Variants in CAMK1D observed in about 807,000 individuals in gnomAD.
CAMK1D encodes the protein calcium/calmodulin dependent protein kinase ID.
In CAMK1D, 9 loss-of-function variants were observed where a neutral mutation model predicts 47.7. The ratio of observed to expected loss-of-function variants is 0.19; its 90% CI spans 0.11 to 0.33. CAMK1D has a LOEUF of 0.33. Among genes scored for constraint, CAMK1D ranks in the 10% least tolerant of loss-of-function variants. The probability of loss-of-function intolerance (pLI) is 1.00; values close to 1 mark genes in which losing one functional copy is unlikely to be tolerated. For missense variants in CAMK1D, 291 were observed against 488.7 expected (o/e 0.60, Z 3.81); for synonymous variants, 184 against 184.9 (o/e 0.99, Z 0.04).
At chr10:12,586,858 C>G (rs1026772072) in intron 2 of CAMK1D, among the ~76,000 whole-genome samples, 1 of 152,154 alleles carries the variant, frequency 6.6e-6, no homozygotes, top group Non-Finnish European at 1.5e-5. Flanking sequence ...TGTTCCCATA[C>G]TTATTTTTTT....
chr10:12,497,417 C>G (rs1235447561), intron 1 of CAMK1D, among the ~76,000 whole-genome samples: 1 of 143,304 alleles, frequency 7.0e-6, no homozygotes, highest in Non-Finnish European at 1.5e-5. Flanking sequence ...GAGGAAGTTG[C>G]AGTGAACCGA....
intron 4 of CAMK1D, among the ~76,000 whole-genome samples, chr10:12,766,250 G>C (rs1010442367): frequency 2.6e-5 from 4 of 151,906 alleles, no homozygotes; most frequent in Admixed American, 2.6e-4. Context: ...GGGATTACAG[G>C]TGTGAGCCCC....
At chr10:12,627,194 G>A (rs934228898) in intron 2 of CAMK1D, among the ~76,000 whole-genome samples, 14 of 149,566 alleles carry the variant, frequency 9.4e-5, no homozygotes, top group South Asian at 4.2e-4. Flanking sequence ...CCATTCTCCT[G>A]CCTCAGCTTC....
At chr10:12,673,124 A>G (rs575822181) in intron 3 of CAMK1D, among the ~76,000 whole-genome samples, 1 of 152,026 alleles carries the variant, frequency 6.6e-6, no homozygotes, top group East Asian at 1.9e-4. Flanking sequence ...AGCTCAGGCA[A>G]TCCTCCTGTC....
Position 12,830,735 on chromosome 10 carries a change from C to T in CAMK1D, c.*1848C>T, listed in dbSNP as rs1489668474. On this transcript the variant is annotated 3_prime_UTR_variant, in exon 11 of 11. Coordinates refer to ENST00000619168, the MANE Select transcript of CAMK1D (RefSeq NM_153498.4). The stretch of plus-strand genomic sequence containing the variant: ...CAGCTCTCAGGCCCATCCAATGCCT[C>T]GAGCCCACGGGGGTGTCCCGGCAGG... The T allele has an allele frequency of 1.3e-5, 2 of 150,054 alleles. No individual in the cohort carries two copies. Among genetic ancestry groups the T allele is most frequent in the Middle Eastern group, 3.4e-3 (1 of 292 alleles). 9.3% of individuals were successfully genotyped at this position (150,054 alleles called of 1,614,324 possible). A position where few individuals can be genotyped will look rare whatever the true frequency, so the allele number is the denominator to read the frequency against.
At chr10:12,512,358 C>T (rs746219190) in intron 1 of CAMK1D, among the ~76,000 whole-genome samples, 2 of 152,120 alleles carry the variant, frequency 1.3e-5, no homozygotes, top group Non-Finnish European at 2.9e-5. Context: ...CAGACAAACC[C>T]GGAGTCTCCA....
intron 1 of CAMK1D, among the ~76,000 whole-genome samples, chr10:12,401,125 G>A (rs1452929457): frequency 0.037 from 1,969 of 53,312 alleles, 111 homozygotes; most frequent in Non-Finnish European, 0.043. Flanking sequence ...TATAATATAT[G>A]TATTATATAT....
chr10:12,648,876 A>G (rs1436966312), intron 2 of CAMK1D, among the ~76,000 whole-genome samples: 4 of 152,116 alleles, frequency 2.6e-5, no homozygotes, highest in African/African-American at 9.7e-5. Flanking sequence ...ATCTGTTTGA[A>G]TTTATTTTTT....
intron 2 of CAMK1D, among the ~76,000 whole-genome samples, chr10:12,636,002 A>G (rs1014945606): frequency 6.6e-6 from 1 of 152,210 alleles, no homozygotes; most frequent in Non-Finnish European, 1.5e-5. Context: ...CATTTTAAAC[A>G]CTTTCCAAAC....
At chr10:12,427,961 C>T (rs1336934539) in intron 1 of CAMK1D, among the ~76,000 whole-genome samples, 2 of 151,800 alleles carry the variant, frequency 1.3e-5, no homozygotes, top group Admixed American at 1.3e-4. Flanking sequence ...CCACCTTGGC[C>T]TGCCAAAGTG....
chr10:12,665,367 C>A (rs926422592), intron 2 of CAMK1D, among the ~76,000 whole-genome samples: 1 of 152,222 alleles, frequency 6.6e-6, no homozygotes, highest in African/African-American at 2.4e-5. Flanking sequence ...GGGAAGACAT[C>A]ACACATTTAG....
intron 3 of CAMK1D, among the ~76,000 whole-genome samples, chr10:12,760,275 A>G (rs1836440840): frequency 6.6e-6 from 1 of 152,230 alleles, no homozygotes; most frequent in African/African-American, 2.4e-5. Flanking sequence ...CAAAGCTAAT[A>G]AAAAGGATAC....
intron 1 of CAMK1D, among the ~76,000 whole-genome samples, chr10:12,352,740 C>CTTTT (rs760701327): frequency 8.5e-4 from 46 of 54,168 alleles, no homozygotes; most frequent in Non-Finnish European, 1.4e-3. Context: ...TGTGGACTTT[C>CTTTT]TTTTTTTTTT....
chr10:12,587,059 C>T (rs923815835), intron 2 of CAMK1D, among the ~76,000 whole-genome samples: 3 of 152,088 alleles, frequency 2.0e-5, no homozygotes, highest in Admixed American at 6.6e-5. Context: ...TTCCCATTAG[C>T]GGTTTTGACT....
rs188858542 is a variant in CAMK1D, at chr10:12,524,127, C to T, written c.93-29098C>T. Among the ~76,000 whole-genome samples the T allele has an allele frequency of 1.5e-4, 22 of 151,280 alleles. No homozygotes were observed. The East Asian group carries it at 3.4e-3, about 23-fold the overall frequency. On this transcript the variant is annotated intron_variant, in intron 1 of 10. Coordinates refer to ENST00000619168, the MANE Select transcript of CAMK1D (RefSeq NM_153498.4). ...CAGGATGGTCTTGATCTCCTGACATCGTAATTTTTTGTATTTTTTAGTAGA... is the reference window on the plus strand; with the variant it reads ...CAGGATGGTCTTGATCTCCTGACATTGTAATTTTTTGTATTTTTTAGTAGA...
intron 2 of CAMK1D, among the ~76,000 whole-genome samples, chr10:12,657,620 A>G (rs1840155855): frequency 6.6e-6 from 1 of 152,172 alleles, no homozygotes; most frequent in African/African-American, 2.4e-5. Flanking sequence ...GGACTGAGAA[A>G]GTAGTCACTT....
intron 2 of CAMK1D, among the ~76,000 whole-genome samples, chr10:12,636,384 G>A (rs1343372813): frequency 1.3e-5 from 2 of 152,212 alleles, no homozygotes; most frequent in Admixed American, 6.5e-5. Context: ...CTAGAGTGCG[G>A]TGGCACGATC....
At chr10:12,362,922 G>C (rs1837719314) in intron 1 of CAMK1D, among the ~76,000 whole-genome samples, 1 of 150,152 alleles carries the variant, frequency 6.7e-6, no homozygotes, top group South Asian at 2.1e-4. Context: ...GGGATTACAG[G>C]CGTGAGCCAC....
chr10:12,514,924 C>T (rs1835144940), intron 1 of CAMK1D, among the ~76,000 whole-genome samples: 1 of 152,222 alleles, frequency 6.6e-6, no homozygotes, highest in Admixed American at 6.5e-5. Context: ...AATCTTGGCT[C>T]ACTGCAGCCT....
Sources: allele counts gnomAD v4.1 joint callset (sites outside exome capture counted in the v4.1 genomes callset), GRCh38; gene constraint gnomAD v4.1.1; transcripts MANE v1.5; gene names NCBI Gene and HGNC (gene_info 2026-07-23, HGNC 2026-07-21).